Variants in EPB42 observed in about 807,000 individuals in gnomAD.
The protein encoded by EPB42 is erythrocyte membrane protein band 4.2, also known as protein 4.2.
A neutral mutation model predicts 76.9 loss-of-function variants in EPB42; 49 were observed. That is an observed-to-expected ratio of 0.64 (90% confidence interval 0.51 to 0.81). EPB42 has a LOEUF of 0.81. Among genes scored for constraint, EPB42 ranks in the 30% least tolerant of loss-of-function variants. The probability of loss-of-function intolerance (pLI) is 0.00; values close to 1 mark genes in which losing one functional copy is unlikely to be tolerated. For missense variants in EPB42, 731 were observed against 867.6 expected (o/e 0.84, Z 1.98); for synonymous variants, 310 against 338.4 (o/e 0.92, Z 0.92).
chr15:43,198,202 G>C (rs2042074192), intron 12 of EPB42, among the ~76,000 whole-genome samples: 2 of 152,230 alleles, frequency 1.3e-5, no homozygotes, highest in African/African-American at 2.4e-5. Flanking sequence ...CTGGGTAACA[G>C]GCAGAGATTG....
intron 12 of EPB42, 79 bp downstream of exon 12, chr15:43,201,765 G>C: frequency 6.3e-7 from 1 of 1,597,062 alleles, no homozygotes; most frequent in Admixed American, 1.7e-5. Context: ...ACATGGCAAA[G>C]AGAGAGTTTC....
Position 43,206,157 on chromosome 15 carries a change from C to T in EPB42, c.1618+173G>A. 1.5e-6 allele frequency: 1 copy of T among 684,202 alleles called. No homozygotes were observed. The highest frequency in any genetic ancestry group is 2.3e-6 in the Non-Finnish European group (1 of 428,756). 42.4% of individuals were successfully genotyped at this position (684,202 alleles called of 1,614,324 possible). A position where few individuals can be genotyped will look rare whatever the true frequency, so the allele number is the denominator to read the frequency against. On this transcript the variant is annotated intron_variant, in intron 10 of 12. Transcript: ENST00000441366. The surrounding 1 kb of genome is among the most constrained non-coding windows in gnomAD (Gnocchi z 4.7). ...CATCGTGTTTTTTTCCTGCTTCAGG[C>T]CCAATAAATATGTGTTGAATGAATG...
intron 7 of EPB42, 74 bp downstream of exon 7, chr15:43,208,563 G>A (rs186912703): frequency 4.8e-4 from 763 of 1,589,470 alleles, no homozygotes; most frequent in Non-Finnish European, 6.4e-4. Flanking sequence ...AGGGGGTGGG[G>A]CTCCTGCAGA....
chr15:43,214,114 G>T (rs10438267), intron 3 of EPB42, among the ~76,000 whole-genome samples: 1 of 152,218 alleles, frequency 6.6e-6, no homozygotes, highest in East Asian at 1.9e-4. Context: ...CAGGAAAGCC[G>T]GGAGAAACTC....
Position 43,220,834 on chromosome 15 carries a change from G to T in EPB42, c.-9C>A. On this transcript the variant is annotated 5_prime_UTR_variant, in exon 1 of 13. Coordinates refer to ENST00000441366, the MANE Select transcript of EPB42 (RefSeq NM_001114134.2). ...GGCTCACCCTGTCCCATGGTTGCAG[G>T]CCGCTCCTCTTATCCACTTGGCCGC... 1.2e-6 allele frequency: 2 copies of T among 1,610,132 alleles called. No homozygotes were observed.
intron 3 of EPB42, among the ~76,000 whole-genome samples, chr15:43,211,781 T>C (rs1329798390): frequency 1.3e-5 from 2 of 152,178 alleles, no homozygotes; most frequent in Admixed American, 6.5e-5. Flanking sequence ...CTTAAAAAGC[T>C]TGGCTGGCCA....
At chr15:43,202,931 G>A (rs1470074258) in intron 11 of EPB42, among the ~76,000 whole-genome samples, 184 bp downstream of exon 11, 2 of 152,182 alleles carry the variant, frequency 1.3e-5, no homozygotes, top group African/African-American at 2.4e-5. Context: ...AAAGAAGTTG[G>A]AAGATTTAAA....
intron 6 of EPB42, among the ~76,000 whole-genome samples, 178 bp from the exon 7 acceptor site, chr15:43,208,953 G>C (rs2042248981): frequency 1.3e-5 from 2 of 152,202 alleles, no homozygotes; most frequent in South Asian, 4.1e-4. Context: ...ATAAGGCACA[G>C]GTTCCACCGC....
rs1293994616 is a variant in EPB42, at chr15:43,206,267, C to G, written c.1618+63G>C. 4 of 1,521,040 alleles carry G rather than the reference C, an allele frequency of 2.6e-6. No homozygotes were observed. Among genetic ancestry groups the G allele is most frequent in the Non-Finnish European group, 3.5e-6 (4 of 1,130,090 alleles). 94.2% of individuals were successfully genotyped at this position (1,521,040 alleles called of 1,614,324 possible). ...GGGGTGCCCTGTGGCTGCTGCCTGC[C>G]CAAGGCAGGGGCCATGTGTGTGTGT... On this transcript the variant is annotated intron_variant, in intron 10 of 12. Coordinates refer to ENST00000441366, the MANE Select transcript of EPB42 (RefSeq NM_001114134.2). This position sits in a 1 kb window ranked among gnomAD's most constrained non-coding sequence, Gnocchi z 4.7.
intron 8 of EPB42, 48 bp downstream of exon 8, chr15:43,208,182 C>G (rs934828033): frequency 3.2e-6 from 5 of 1,559,042 alleles, no homozygotes; most frequent in Non-Finnish European, 4.4e-6. Context: ...CTGGGGACTT[C>G]AGCTCTGTGC....
chr15:43,209,559 C>T, intron 5 of EPB42, 108 bp from the exon 6 acceptor site: 2 of 1,285,268 alleles, frequency 1.6e-6, no homozygotes, highest in Non-Finnish European at 2.2e-6. Flanking sequence ...GTGAACAGAT[C>T]CCCAGCATTA....
chr15:43,212,283 C>G (rs764759795), intron 3 of EPB42, among the ~76,000 whole-genome samples: 1 of 148,658 alleles, frequency 6.7e-6, no homozygotes, highest in African/African-American at 2.5e-5. Context: ...GCAGAAGAAT[C>G]TCTTGAATCC....
chr15:43,197,266 A>G lies in EPB42; in HGVS notation c.*36T>C. On this transcript the variant is annotated 3_prime_UTR_variant, in exon 13 of 13. Transcript: ENST00000441366. The stretch of plus-strand genomic sequence containing the variant: ...ACATGTTTGGTTTAGATTGTAGAAC[A>G]AGGGTTGGCAGGAGAGTGGTGATAG... 6 of 1,613,914 alleles carry G rather than the reference A, an allele frequency of 3.7e-6. No homozygotes were observed. In the South Asian group the frequency reaches 5.5e-5, roughly 15 times the overall value.
At chr15:43,209,152 G>A in intron 6 of EPB42, 122 bp downstream of exon 6, 1 of 1,144,848 alleles carries the variant, frequency 8.7e-7, no homozygotes, top group East Asian at 2.4e-5. Context: ...ACTTCTGTGT[G>A]ATGAGATGGG....
chr15:43,224,771 T>C (rs1442808738), upstream of EPB42, among the ~76,000 whole-genome samples: 1 of 152,082 alleles, frequency 6.6e-6, no homozygotes, highest in Non-Finnish European at 1.5e-5. Context: ...CCAAGCTTGA[T>C]TTGTATGTTT....
At chr15:43,202,028 C>T in intron 11 of EPB42, 51 bp from the exon 12 acceptor site, 1 of 1,612,402 alleles carries the variant, frequency 6.2e-7, no homozygotes, top group African/African-American at 1.3e-5. Flanking sequence ...CAGCTGCAGT[C>T]ACTCTCTCCT....
chr15:43,220,347 C>A (rs1484603221), intron 1 of EPB42, among the ~76,000 whole-genome samples: 1 of 152,146 alleles, frequency 6.6e-6, no homozygotes, highest in East Asian at 1.9e-4. Flanking sequence ...TCCTCTCCTT[C>A]TCTCCCATTT....
intron 1 of EPB42, among the ~76,000 whole-genome samples, chr15:43,219,195 C>G (rs186035348): frequency 6.6e-6 from 1 of 152,120 alleles, no homozygotes; most frequent in African/African-American, 2.4e-5. Context: ...TGTGAAGAGG[C>G]GCGGACTGGC....
intron 12 of EPB42, among the ~76,000 whole-genome samples, chr15:43,200,796 T>A (rs2042113017): frequency 6.8e-6 from 1 of 146,004 alleles, no homozygotes; most frequent in Admixed American, 7.1e-5. Flanking sequence ...TTCCTGGGTA[T>A]ATATCCCCAG....
Sources: gnomAD v4.1 joint callset for allele counts (sites outside exome capture counted in the v4.1 genomes callset) on GRCh38, gnomAD v4.1.1 for gene constraint, Gnocchi (gnomAD v3.1) non-coding constraint, MANE v1.5 for transcripts, NCBI Gene and HGNC (gene_info 2026-07-23, HGNC 2026-07-21) for gene names.